Variants in PLD5 observed in about 807,000 individuals in gnomAD.
PLD5 encodes the protein phospholipase D family member 5.
Under a neutral mutation model 61.1 loss-of-function variants are expected in PLD5, and 36 were observed. The observed-to-expected ratio is 0.59, with a 90% CI of 0.45 to 0.78. PLD5 has a LOEUF of 0.78. Among genes scored for constraint, PLD5 ranks in the 30% least tolerant of loss-of-function variants. PLD5 has a pLI of 0.00. For synonymous variants in PLD5, 243 were observed against 242.8 expected (o/e 1.00, Z -0.01); for missense variants, 515 against 644.4 (o/e 0.80, Z 2.17).
At chr1:242,280,988 A>C (rs1193871857) in intron 3 of PLD5, among the ~76,000 whole-genome samples, 1 of 152,218 alleles carries the variant, frequency 6.6e-6, no homozygotes, top group East Asian at 1.9e-4. Flanking sequence ...AGAAAGGACA[A>C]GTAGGCTTAG....
chr1:242,097,930 G>A (rs1452359345), intron 9 of PLD5, among the ~76,000 whole-genome samples: 2 of 152,140 alleles, frequency 1.3e-5, no homozygotes. Context: ...TGTATAAGGT[G>A]TAAGGAAGGG....
chr1:242,116,588 C>T (rs1304649413), intron 6 of PLD5, among the ~76,000 whole-genome samples: 3 of 152,038 alleles, frequency 2.0e-5, no homozygotes, highest in Non-Finnish European at 2.9e-5. Context: ...GCTAGTGGTC[C>T]TCAGTGTTTA....
chr1:242,521,315 C>G (rs115584760), intron 1 of PLD5, among the ~76,000 whole-genome samples: 2,793 of 152,292 alleles, frequency 0.018, 87 homozygotes, highest in African/African-American at 0.065. Flanking sequence ...ATTGGCCCAG[C>G]AGCCTTTAAA....
chr1:242,529,177 T>C (rs530664746), upstream of PLD5, among the ~76,000 whole-genome samples: 1 of 152,226 alleles, frequency 6.6e-6, no homozygotes, highest in Non-Finnish European at 1.5e-5. Context: ...TAGTCCCAGA[T>C]TGAAAATGTT....
chr1:242,414,558 A>C (rs1345664890), intron 1 of PLD5, among the ~76,000 whole-genome samples: 1 of 152,232 alleles, frequency 6.6e-6, no homozygotes, highest in Non-Finnish European at 1.5e-5. Context: ...TTAGAGACTA[A>C]GTAGCACTGG....
chr1:242,086,933 G>A lies in PLD5; in HGVS notation c.*2921C>T, dbSNP rs989556832. The A allele has an allele frequency of 1.7e-4, 26 of 151,126 alleles. No homozygotes were observed. The highest frequency in any genetic ancestry group is 6.3e-4 in the African/African-American group (26 of 41,090). 9.4% of individuals were successfully genotyped at this position (151,126 alleles called of 1,614,324 possible). A position where few individuals can be genotyped will look rare whatever the true frequency, so the allele number is the denominator to read the frequency against. ...CCACCAGAGGGTGTCAAATTAACCT[G>A]TTTTTGTTTTGCATTCTTTCCCTCC... On this transcript the variant is annotated 3_prime_UTR_variant, in exon 10 of 10. Transcript: ENST00000536534.
intron 5 of PLD5, among the ~76,000 whole-genome samples, chr1:242,181,875 T>C (rs1182831449): frequency 6.6e-6 from 1 of 152,176 alleles, no homozygotes; most frequent in East Asian, 1.9e-4. Context: ...TCTCTTGACC[T>C]CATGATCCAC....
chr1:242,367,716 G>A (rs536271286), intron 1 of PLD5, among the ~76,000 whole-genome samples: 3 of 152,202 alleles, frequency 2.0e-5, no homozygotes, highest in African/African-American at 4.8e-5. Context: ...CCAAAATCAC[G>A]AAAGAGGTAC....
chr1:242,148,741 A>G (rs180858568), intron 5 of PLD5, among the ~76,000 whole-genome samples: 11 of 152,016 alleles, frequency 7.2e-5, no homozygotes, highest in African/African-American at 2.7e-4. Flanking sequence ...ATTGTAAATA[A>G]TACTGTCTTT....
intron 1 of PLD5, among the ~76,000 whole-genome samples, chr1:242,417,768 C>T (rs1664910139): frequency 6.6e-6 from 1 of 152,042 alleles, no homozygotes; most frequent in Non-Finnish European, 1.5e-5. Context: ...AGAAAGAGGC[C>T]AGTACGGGGG....
intron 5 of PLD5, among the ~76,000 whole-genome samples, chr1:242,136,066 TG>T (rs1272581147): frequency 1.3e-5 from 2 of 152,178 alleles, no homozygotes; most frequent in Non-Finnish European, 2.9e-5. Flanking sequence ...CTACCCTCCG[TG>T]GGGACATACA....
chr1:242,343,856 T>C (rs902460771), intron 2 of PLD5, among the ~76,000 whole-genome samples: 18 of 150,740 alleles, frequency 1.2e-4, no homozygotes, highest in African/African-American at 2.4e-5. Flanking sequence ...ATCTGGCAAA[T>C]AGATGGGAGG....
chr1:242,393,905 C>A (rs1663153209), intron 1 of PLD5, among the ~76,000 whole-genome samples: 2 of 144,946 alleles, frequency 1.4e-5, no homozygotes, highest in East Asian at 2.1e-4. Context: ...ACTAAAAATG[C>A]AAAAATTAGC....
At chr1:242,108,434 G>A (rs1419224467) in intron 7 of PLD5, among the ~76,000 whole-genome samples, 1 of 151,992 alleles carries the variant, frequency 6.6e-6, no homozygotes, top group African/African-American at 2.4e-5. Context: ...CCTTTTCTCT[G>A]AATCCTTAAG....
At chr1:242,095,220 C>A (rs937106442) in intron 9 of PLD5, among the ~76,000 whole-genome samples, 1 of 151,804 alleles carries the variant, frequency 6.6e-6, no homozygotes, top group East Asian at 2.0e-4. Context: ...TAGGCGTGAG[C>A]CATCGCGTCC....
At chr1:242,153,734 C>G (rs2148823605) in intron 5 of PLD5, among the ~76,000 whole-genome samples, 1 of 152,206 alleles carries the variant, frequency 6.6e-6, no homozygotes, top group East Asian at 1.9e-4. Flanking sequence ...GTACCAGTAC[C>G]ATGCTGTTTT....
intron 3 of PLD5, among the ~76,000 whole-genome samples, chr1:242,273,522 C>A (rs1674234243): frequency 6.6e-6 from 1 of 152,054 alleles, no homozygotes; most frequent in Non-Finnish European, 1.5e-5. Context: ...CTAATACTTT[C>A]AAAAAAATCC....
At chr1:242,107,414 G>GA (rs1172068330) in intron 8 of PLD5, among the ~76,000 whole-genome samples, 6 of 117,470 alleles carry the variant, frequency 5.1e-5, no homozygotes, top group Admixed American at 9.5e-5. Context: ...CCTATCTCAA[G>GA]AAAAAAAAGA....
intron 1 of PLD5, among the ~76,000 whole-genome samples, chr1:242,512,011 G>A (rs1189653497): frequency 2.6e-5 from 4 of 152,134 alleles, no homozygotes; most frequent in Admixed American, 2.6e-4. Context: ...CATATCGTGG[G>A]TTGAAGTGAT....
Sources: gnomAD v4.1 joint callset for allele counts (sites outside exome capture counted in the v4.1 genomes callset) on GRCh38, gnomAD v4.1.1 for gene constraint, MANE v1.5 for transcripts, NCBI Gene and HGNC (gene_info 2026-07-23, HGNC 2026-07-21) for gene names.